Variants in BIRC6 observed in about 807,000 individuals in gnomAD.
BIRC6 encodes the protein baculoviral IAP repeat containing 6.
A neutral mutation model predicts 503.3 loss-of-function variants in BIRC6; 98 were observed. The ratio of observed to expected loss-of-function variants is 0.19; its 90% CI spans 0.17 to 0.23. The LOEUF is 0.23. BIRC6 is among the 10% of genes least tolerant of loss of function. The pLI is 1.00. For synonymous variants in BIRC6, 2,240 were observed against 2,078.7 expected, an observed-to-expected ratio of 1.08 and a Z score of -2.11; for missense variants, 5,360 against 5,806.0, an observed-to-expected ratio of 0.92 and a Z score of 2.50.
intron 61 of BIRC6, among the ~76,000 whole-genome samples, chr2:32,531,912 T>C (rs1283720983): frequency 1.3e-5 from 2 of 152,222 alleles, no homozygotes; most frequent in Non-Finnish European, 2.9e-5. Flanking sequence ...GCCACCAATA[T>C]ATGTCTTTTT....
At chr2:32,612,395 T>C (rs2062940730) in intron 73 of BIRC6, among the ~76,000 whole-genome samples, 1 of 152,206 alleles carries the variant, frequency 6.6e-6, no homozygotes, top group Non-Finnish European at 1.5e-5. Flanking sequence ...GAGATCTTTC[T>C]TTGTAACAGC....
At chr2:32,593,852 G>C in intron 66 of BIRC6, 63 bp from the exon 67 acceptor site, 1 of 1,358,684 alleles carries the variant, frequency 7.4e-7, no homozygotes, top group Non-Finnish European at 1.0e-6. Flanking sequence ...TTGATTTATG[G>C]AGGTGTTTTA....
rs2051166321 is a variant in BIRC6 at position 32,487,760 on chromosome 2, T to C, written c.7927T>C (p.Phe2643Leu). Residue 2643 changes from phenylalanine to leucine, a missense_variant, in exon 41 of 74, where the codon TTC becomes CTC. This residue lies in a region of BIRC6 where 2,299 missense variants were observed against 2,267.2 expected (regional missense o/e 1.01). Coordinates refer to ENST00000421745, the MANE Select transcript of BIRC6 (RefSeq NM_016252.4). ...LSSVPMLNVC[F>L]NKLFSMLQVH... ...ATCTGTCCCAATGTTAAATGTTTGT[T>C]TCAACAAACTTTTTTCCATGCTTCA... The C allele has an allele frequency of 6.2e-7, 1 of 1,613,372 alleles. No individual in the cohort carries two copies. The highest frequency in any genetic ancestry group is 1.3e-5 in the African/African-American group (1 of 74,900).
Position 32,494,468 on chromosome 2 carries a change from C to T in BIRC6, c.8468+801C>T, listed in dbSNP as rs1263216616. The stretch of plus-strand genomic sequence containing the variant: ...GTCTCGATCTCCTGACCTCGTGATC[C>T]GCCCGCCTCAGCCTCCCAAAGTGCT... On this transcript the variant is annotated intron_variant, in intron 45 of 73. Transcript: ENST00000421745. Among the ~76,000 whole-genome samples the T allele has an allele frequency of 3.3e-5, 5 of 151,530 alleles. No homozygotes were observed. The East Asian group carries it at 5.8e-4, about 18-fold the overall frequency.
rs189605718 is a variant in BIRC6 at position 32,514,969 on chromosome 2, A to G, written c.10569-21A>G. On this transcript the variant is annotated intron_variant, in intron 54 of 73. Coordinates refer to ENST00000421745, the MANE Select transcript of BIRC6 (RefSeq NM_016252.4). Reference sequence around the variant, plus strand: ...CTAAAAATATACTTGTATCATTAATATGATATCTTTTATTTTTTAGGTTAC... The same window carrying G: ...CTAAAAATATACTTGTATCATTAATGTGATATCTTTTATTTTTTAGGTTAC... 5.0e-4 allele frequency: 780 copies of G among 1,551,404 alleles called. 9 individuals carry two copies. In the African/African-American group the frequency reaches 9.9e-3, roughly 20 times the overall value.
intron 33 of BIRC6, among the ~76,000 whole-genome samples, chr2:32,474,848 T>G (rs1304594879): frequency 6.6e-6 from 1 of 152,180 alleles, no homozygotes; most frequent in African/African-American, 2.4e-5. Flanking sequence ...CATGCTAGTT[T>G]TAATTTAGGA....
chr2:32,377,865 T>A (rs1056993511), intron 2 of BIRC6, 96 bp downstream of exon 2: 7 of 1,076,460 alleles, frequency 6.5e-6, no homozygotes, highest in Non-Finnish European at 9.2e-6. Context: ...AAGGACGTTA[T>A]TATATATATT....
chr2:32,450,192 A>G (rs1158988545), intron 22 of BIRC6, among the ~76,000 whole-genome samples: 1 of 152,152 alleles, frequency 6.6e-6, no homozygotes, highest in Non-Finnish European at 1.5e-5. Context: ...AAATCATGAT[A>G]TGTCGGCCGG....
intron 9 of BIRC6, among the ~76,000 whole-genome samples, chr2:32,408,024 G>A (rs1258347001): frequency 6.6e-6 from 1 of 151,796 alleles, no homozygotes; most frequent in Non-Finnish European, 1.5e-5. Flanking sequence ...CTGGAGTGCA[G>A]TGGTGTGATC....
chr2:32,484,643 T>A (rs1432909070), intron 39 of BIRC6, among the ~76,000 whole-genome samples: 1 of 152,188 alleles, frequency 6.6e-6, no homozygotes, highest in Non-Finnish European at 1.5e-5. Flanking sequence ...CTTTTTTTAT[T>A]CAGTGAATTA....
chr2:32,465,185 A>ATTTTTTTTTTTT, intron 26 of BIRC6, 21 bp downstream of exon 26: 3 of 847,166 alleles, frequency 3.5e-6, no homozygotes, highest in South Asian at 2.2e-5. Context: ...ACTTTCTTAA[A>ATTTTTTTTTTTT]TTTTTTTTTT....
At chr2:32,473,045 G>A (rs1179166040) in intron 32 of BIRC6, 67 bp from the exon 33 acceptor site, 5 of 1,373,402 alleles carry the variant, frequency 3.6e-6, no homozygotes, top group African/African-American at 3.0e-5. Context: ...TTTGTTTTCT[G>A]GGTAGGAAAG....
intron 73 of BIRC6, among the ~76,000 whole-genome samples, chr2:32,616,941 A>T (rs946824764): frequency 2.0e-5 from 3 of 151,956 alleles, no homozygotes; most frequent in African/African-American, 7.3e-5. Context: ...CCATCTGTGT[A>T]AAAAATTAGC....
intron 13 of BIRC6, 55 bp downstream of exon 13, chr2:32,433,859 A>T: frequency 7.3e-7 from 1 of 1,379,090 alleles, no homozygotes; most frequent in East Asian, 2.5e-5. Flanking sequence ...TTGATTTCTG[A>T]AAACTAATTT....
chr2:32,380,190 A>T lies in BIRC6; in HGVS notation c.545A>T (p.Asp182Val). The T allele has an allele frequency of 6.3e-7, 1 of 1,586,744 alleles. No individual in the cohort carries two copies. Among genetic ancestry groups the T allele is most frequent in the Non-Finnish European group, 8.6e-7 (1 of 1,168,714 alleles). Residue 182 changes from aspartate to valine, a missense_variant, in exon 3 of 74, where the codon GAT becomes GTT. Physicochemically the swap from Asp to Val is radical, Grantham distance 152. This residue lies in a region of BIRC6 where 134 missense variants were observed against 150.9 expected (regional missense o/e 0.89). Coordinates refer to ENST00000421745, the MANE Select transcript of BIRC6 (RefSeq NM_016252.4). ...TTATCAGCATGTTTAGAAAAGGTAG[A>T]TATTTCTAGTACAGAGGGTTATGAT... ...QLLSACLEKVDISSTEGYDLF... is the reference protein window; with the variant it reads ...QLLSACLEKVVISSTEGYDLF...
At chr2:32,398,910 G>A (rs1016737920) in intron 6 of BIRC6, among the ~76,000 whole-genome samples, 5 of 151,934 alleles carry the variant, frequency 3.3e-5, no homozygotes, top group Admixed American at 6.6e-5. Context: ...AAATTGCCCA[G>A]GATTTATAGA....
intron 11 of BIRC6, among the ~76,000 whole-genome samples, chr2:32,430,339 A>C (rs2043957979): frequency 6.6e-6 from 1 of 152,220 alleles, no homozygotes; most frequent in Non-Finnish European, 1.5e-5. Context: ...GCATGTATGC[A>C]AGATTTTCTT....
In BIRC6 at chr2:32,505,031, G is replaced by T; in HGVS notation, c.9526G>T (p.Ala3176Ser). Residue 3176 changes from alanine to serine, a missense_variant, in exon 50 of 74, where the codon GCC becomes TCC. Coordinates refer to ENST00000421745, the MANE Select transcript of BIRC6 (RefSeq NM_016252.4). ...LGTITSSSPT[A>S]QPAEVLLQAT... is the part of the protein sequence containing the mutation. ...TACAATCACATCTAGCAGTCCTACT[G>T]CCCAACCAGCTGAAGTGCTATTGCA... 1.2e-6 allele frequency: 2 copies of T among 1,613,720 alleles called. No homozygotes were observed. Among genetic ancestry groups the T allele is most frequent in the Non-Finnish European group, 1.7e-6 (2 of 1,179,796 alleles).
chr2:32,610,535 G>C (rs1160425831), intron 72 of BIRC6, among the ~76,000 whole-genome samples: 1 of 152,184 alleles, frequency 6.6e-6, no homozygotes, highest in African/African-American at 2.4e-5. Flanking sequence ...TTGGCATTTA[G>C]AATATACTTA....
Sources: gnomAD v4.1 joint callset for allele counts (sites outside exome capture counted in the v4.1 genomes callset) on GRCh38, gnomAD v4.1.1 for gene constraint, gnomAD v4.1.1 regional missense constraint, MANE v1.5 for transcripts, NCBI Gene and HGNC (gene_info 2026-07-23, HGNC 2026-07-21) for gene names.